RTL4: variants seen among roughly 807,000 people sequenced by gnomAD.
The protein encoded by RTL4 is retrotransposon Gag-like protein 4.
In RTL4, 4 loss-of-function variants were observed where a neutral mutation model predicts 5.3. That is an observed-to-expected ratio of 0.75 (90% confidence interval 0.37 to 1.72). The LOEUF (loss-of-function observed/expected upper bound fraction) is 1.72, where lower values mean the gene tolerates loss of function less well. Ranked by LOEUF, RTL4 falls within the 40% of genes most tolerant of loss-of-function variation. The probability of loss-of-function intolerance (pLI) is 0.04; values close to 1 mark genes in which losing one functional copy is unlikely to be tolerated. For synonymous variants in RTL4, 98 were observed against 87.3 expected (o/e 1.12, Z -0.68); for missense variants, 260 against 227.1 (o/e 1.14, Z -0.93).
At chrX:112,098,764 A>C in the RTL4 span, among the ~76,000 whole-genome samples, 1 of 111,739 alleles carries the variant, frequency 8.9e-6, no homozygotes, top group Non-Finnish European at 1.9e-5. Flanking sequence ...TCTTCTTTTG[A>C]GAAAAACAAG....
chrX:112,122,102 A>G, the RTL4 span, among the ~76,000 whole-genome samples: 2 of 111,874 alleles, frequency 1.8e-5, no homozygotes, highest in Non-Finnish European at 3.8e-5. Flanking sequence ...AAGAAAGGAA[A>G]TCAGTATATC....
At chrX:112,309,877 T>C in the RTL4 span, among the ~76,000 whole-genome samples, 1 of 104,812 alleles carries the variant, frequency 9.5e-6, no homozygotes, top group African/African-American at 3.5e-5. Context: ...TACATACATA[T>C]ATATACACAC....
chrX:112,197,035 T>G, the RTL4 span, among the ~76,000 whole-genome samples: 1 of 108,824 alleles, frequency 9.2e-6, no homozygotes, highest in Non-Finnish European at 1.9e-5. Context: ...ATATAACTAT[T>G]TATATGTTTG....
chrX:112,152,840 T>A, the RTL4 span, among the ~76,000 whole-genome samples: 1 of 111,897 alleles, frequency 8.9e-6, no homozygotes, highest in Admixed American at 9.5e-5. Context: ...TTCTGTTACA[T>A]CAAAGTCTTA....
the RTL4 span, among the ~76,000 whole-genome samples, chrX:112,098,596 T>G: frequency 1.8e-5 from 2 of 111,526 alleles, no homozygotes; most frequent in African/African-American, 6.6e-5. Context: ...AGTGTTCCTA[T>G]TTCTCCACAT....
the RTL4 span, among the ~76,000 whole-genome samples, chrX:112,145,668 T>G: frequency 9.0e-6 from 1 of 111,439 alleles, no homozygotes; most frequent in Non-Finnish European, 1.9e-5. Context: ...TCTATATAAT[T>G]TTTAGTTGTG....
exon 1 of RTL4, chrX:112,454,668 C>G (rs760865627): frequency 5.8e-6 from 6 of 1,028,113 alleles, no homozygotes; most frequent in Non-Finnish European, 7.9e-6. Flanking sequence ...TCCACTGTCT[C>G]CATTGGTTTC....
the RTL4 span, among the ~76,000 whole-genome samples, chrX:112,164,299 T>C: frequency 1.8e-5 from 2 of 111,956 alleles, no homozygotes; most frequent in African/African-American, 6.5e-5. Context: ...AGGTGTGTCA[T>C]CTACTGAGAG....
At chrX:112,210,390 A>C in the RTL4 span, among the ~76,000 whole-genome samples, 1 of 112,167 alleles carries the variant, frequency 8.9e-6, no homozygotes, top group Non-Finnish European at 1.9e-5. Flanking sequence ...CCTTCTTTAC[A>C]GTGTTGTTGT....
chrX:112,424,649 A>G, the RTL4 span, among the ~76,000 whole-genome samples: 1 of 111,473 alleles, frequency 9.0e-6, no homozygotes, highest in Non-Finnish European at 1.9e-5. Flanking sequence ...TCTACCTAGG[A>G]AAAAGGCTTT....
chrX:112,397,016 A>G, the RTL4 span, among the ~76,000 whole-genome samples: 1 of 111,952 alleles, frequency 8.9e-6, no homozygotes, highest in Admixed American at 9.5e-5. Context: ...CACCTAGACA[A>G]AACAGATTTC....
chrX:112,096,415 C>T, the RTL4 span, among the ~76,000 whole-genome samples: 1 of 111,476 alleles, frequency 9.0e-6, no homozygotes. Context: ...AGTTTTATCA[C>T]AGATATGTTA....
chrX:112,178,247 A>G, the RTL4 span, among the ~76,000 whole-genome samples: 124 of 111,696 alleles, frequency 1.1e-3, no homozygotes, highest in Non-Finnish European at 1.9e-3. Flanking sequence ...AGTCAGGAAC[A>G]AAAGAGCCCA....
chrX:112,181,596 A>C, the RTL4 span, among the ~76,000 whole-genome samples: 1 of 111,891 alleles, frequency 8.9e-6, no homozygotes, highest in Non-Finnish European at 1.9e-5. Flanking sequence ...CCACTGCAGC[A>C]CAGCAAAGCT....
chrX:112,099,364 T>A, the RTL4 span, among the ~76,000 whole-genome samples: 158 of 111,448 alleles, frequency 1.4e-3, no homozygotes, highest in African/African-American at 4.9e-3. Context: ...AGAGAGAGAA[T>A]GACTAATTTC....
At chrX:112,117,120 A>G in the RTL4 span, among the ~76,000 whole-genome samples, 1 of 111,358 alleles carries the variant, frequency 9.0e-6, no homozygotes, top group Non-Finnish European at 1.9e-5. Flanking sequence ...ATTTGACTAC[A>G]TAATCTTAAA....
At chrX:112,305,178 T>G in the RTL4 span, among the ~76,000 whole-genome samples, 1 of 101,289 alleles carries the variant, frequency 9.9e-6, no homozygotes, top group African/African-American at 4.0e-5. Context: ...GTTTTTTTTG[T>G]CTTTTTTTTT....
At chrX:112,393,424 G>T in the RTL4 span, among the ~76,000 whole-genome samples, 2 of 110,682 alleles carry the variant, frequency 1.8e-5, no homozygotes, top group African/African-American at 6.6e-5. Context: ...CACCGAAATC[G>T]CAAAGATGGC....
the RTL4 span, among the ~76,000 whole-genome samples, chrX:112,184,559 C>T: frequency 0.026 from 2,942 of 111,817 alleles, 61 homozygotes; most frequent in African/African-American, 0.067. Context: ...CAATTCTAGT[C>T]CACGTTTCCT....
Sources: gnomAD v4.1 joint callset for allele counts (sites outside exome capture counted in the v4.1 genomes callset) on GRCh38, gnomAD v4.1.1 for gene constraint, MANE v1.5 for transcripts, NCBI Gene and HGNC (gene_info 2026-07-23, HGNC 2026-07-21) for gene names.